The following PDE11A variants were observed in gnomAD, a reference collection of about 807,000 sequenced individuals.
PDE11A encodes the protein phosphodiesterase 11A, also known as dual 3',5'-cyclic-AMP and -GMP phosphodiesterase 11A.
PDE11A carries 100 observed loss-of-function variants against 100.5 expected under a neutral mutation model. That is an observed-to-expected ratio of 1.00 (90% confidence interval 0.85 to 1.18). The LOEUF (loss-of-function observed/expected upper bound fraction) is 1.18, where lower values mean the gene tolerates loss of function less well. Ranked by LOEUF, PDE11A falls within the 50% of genes most tolerant of loss-of-function variation. The pLI is 0.00. For synonymous variants in PDE11A, 381 were observed against 420.8 expected, an observed-to-expected ratio of 0.91 and a Z score of 1.16; for missense variants, 1,141 against 1,152.6, an observed-to-expected ratio of 0.99 and a Z score of 0.15.
At chr2:177,712,029 G>C (rs748371242) in intron 12 of PDE11A, 151 bp from the exon 13 acceptor site, 51 of 634,330 alleles carry the variant, frequency 8.0e-5, no homozygotes, top group Middle Eastern at 4.2e-4. Flanking sequence ...TAAGTTGGGT[G>C]GTCAGTTGCA....
chr2:177,781,020 C>T (rs1245968666), intron 9 of PDE11A, among the ~76,000 whole-genome samples: 1 of 152,198 alleles, frequency 6.6e-6, no homozygotes, highest in Non-Finnish European at 1.5e-5. Flanking sequence ...AGCTTTCAGC[C>T]TATCTCACCT....
At chr2:178,078,461 G>C (rs1438162375) in intron 2 of PDE11A, among the ~76,000 whole-genome samples, 3 of 49,538 alleles carry the variant, frequency 6.1e-5, no homozygotes, top group Non-Finnish European at 1.7e-4. Flanking sequence ...CTCTGAGCCA[G>C]AAGCCCACCT....
chr2:177,796,084 C>A (rs1024309926), intron 9 of PDE11A, among the ~76,000 whole-genome samples: 8 of 150,984 alleles, frequency 5.3e-5, no homozygotes, highest in Admixed American at 4.6e-4. Flanking sequence ...ATTTTAGCTA[C>A]AGTAAGTCTT....
intron 15 of PDE11A, among the ~76,000 whole-genome samples, chr2:177,689,529 G>A (rs2081011608): frequency 6.6e-6 from 1 of 152,144 alleles, no homozygotes; most frequent in Non-Finnish European, 1.5e-5. Flanking sequence ...GTTACATGCA[G>A]ATTCTAGAGA....
At chr2:177,778,625 T>G (rs147079308) in intron 9 of PDE11A, among the ~76,000 whole-genome samples, 1 of 152,338 alleles carries the variant, frequency 6.6e-6, no homozygotes, top group Non-Finnish European at 1.5e-5. Flanking sequence ...CTCTCAGCAG[T>G]AGTCCTTAAA....
intron 10 of PDE11A, among the ~76,000 whole-genome samples, chr2:177,748,584 C>G (rs985637024): frequency 6.6e-6 from 1 of 152,038 alleles, no homozygotes. Context: ...AAAAAAGCTT[C>G]TTGCTCTTAT....
chr2:177,744,762 C>G (rs890732794), intron 10 of PDE11A, among the ~76,000 whole-genome samples: 3 of 152,350 alleles, frequency 2.0e-5, no homozygotes, highest in Non-Finnish European at 4.4e-5. Context: ...TTGGCCGTGA[C>G]TTGCTTTGGC....
At chr2:177,888,692 T>G in intron 4 of PDE11A, 1 of 976,080 alleles carries the variant, frequency 1.0e-6, no homozygotes, top group Non-Finnish European at 1.2e-6. Flanking sequence ...GTTCTCAGGA[T>G]TGTATTTGCA....
chr2:178,064,058 A>C (rs13014945), intron 1 of PDE11A, among the ~76,000 whole-genome samples: 15,235 of 152,246 alleles, frequency 0.1, 1,050 homozygotes, highest in Non-Finnish European at 0.15. Flanking sequence ...TCTAATGATT[A>C]GATTTGATGA....
intron 1 of PDE11A, among the ~76,000 whole-genome samples, chr2:178,055,493 A>T (rs1239426160): frequency 6.6e-6 from 1 of 152,216 alleles, no homozygotes; most frequent in Non-Finnish European, 1.5e-5. Context: ...AACTTAAAGT[A>T]TAATAAAAAA....
At chr2:178,057,998 C>T (rs1226947396) in intron 1 of PDE11A, among the ~76,000 whole-genome samples, 1 of 152,140 alleles carries the variant, frequency 6.6e-6, no homozygotes, top group Non-Finnish European at 1.5e-5. Context: ...GCTGGGATTA[C>T]AAGCACCTGC....
chr2:177,642,274 G>A (rs775947824), intron 19 of PDE11A, among the ~76,000 whole-genome samples: 23 of 152,194 alleles, frequency 1.5e-4, no homozygotes, highest in Non-Finnish European at 3.2e-4. Flanking sequence ...TTGGTCAGAA[G>A]GCAAGTAAGA....
At chr2:177,673,247 A>T (rs1401964578) in intron 17 of PDE11A, among the ~76,000 whole-genome samples, 1 of 152,220 alleles carries the variant, frequency 6.6e-6, no homozygotes, top group Non-Finnish European at 1.5e-5. Flanking sequence ...TACACAAAAC[A>T]AGTGTTGGGA....
rs71010816 is a variant in PDE11A at position 177,706,895 on chromosome 2, G to GTT, written c.2153+4872_2153+4873dup. On this transcript the variant is annotated intron_variant, in intron 13 of 19. Coordinates refer to ENST00000286063, the MANE Select transcript of PDE11A (RefSeq NM_016953.4). ...CTGAGATTTGGGGACCTCGGTTTTT[G>GTT]TTTTTTTTTGTAAAATTGAGGAAGT... Among the ~76,000 whole-genome samples the GTT allele has an allele frequency of 1.7e-3, 248 of 150,216 alleles. 1 individual carries two copies. Among genetic ancestry groups the GTT allele is most frequent in the East Asian group, 3.5e-3 (18 of 5,154 alleles).
chr2:177,852,702 T>G (rs961368931), intron 5 of PDE11A, among the ~76,000 whole-genome samples: 5 of 152,200 alleles, frequency 3.3e-5, no homozygotes, highest in African/African-American at 1.2e-4. Flanking sequence ...TGAAGGTTAT[T>G]GAACAAGTCT....
chr2:177,850,756 A>G (rs2083686346), intron 5 of PDE11A, among the ~76,000 whole-genome samples: 2 of 152,236 alleles, frequency 1.3e-5, no homozygotes, highest in Non-Finnish European at 2.9e-5. Context: ...AAAGGAAGAA[A>G]TTTATGCAGC....
intron 10 of PDE11A, among the ~76,000 whole-genome samples, chr2:177,746,255 A>T (rs900130546): frequency 6.6e-6 from 1 of 152,238 alleles, no homozygotes; most frequent in Admixed American, 6.5e-5. Context: ...TGAAGTAGTG[A>T]GTTGGAAGAT....
At chr2:178,077,136 T>C (rs963234952), upstream of PDE11A, among the ~76,000 whole-genome samples, 3 of 152,142 alleles carry the variant, frequency 2.0e-5, no homozygotes, top group African/African-American at 4.8e-5. Context: ...AGCACATCAG[T>C]TGAGAGAGGG....
Position 177,686,297 on chromosome 2 carries a change from T to G in PDE11A, c.2346-5394A>C, listed in dbSNP as rs2080947709. Among the ~76,000 whole-genome samples, 3 of 152,188 alleles carry G rather than the reference T, an allele frequency of 2.0e-5. No individual in the cohort carries two copies. The South Asian group carries it at 6.2e-4, about 32-fold the overall frequency. On this transcript the variant is annotated intron_variant, in intron 15 of 19. Coordinates refer to ENST00000286063, the MANE Select transcript of PDE11A (RefSeq NM_016953.4). ...GAAAAACATGAGAGGCCAGGTATAG[T>G]GGGTCACGCCTGTAATCCCAGTGCT...
Sources: gnomAD v4.1 joint callset for allele counts (sites outside exome capture counted in the v4.1 genomes callset) on GRCh38, gnomAD v4.1.1 for gene constraint, MANE v1.5 for transcripts, NCBI Gene and HGNC (gene_info 2026-07-23, HGNC 2026-07-21) for gene names.